The following ZNF385D variants were observed in gnomAD, a reference collection of about 807,000 sequenced individuals.
The protein encoded by ZNF385D is zinc finger protein 385D.
A neutral mutation model predicts 35.8 loss-of-function variants in ZNF385D; 15 were observed. The observed-to-expected ratio is 0.42, with a 90% CI of 0.28 to 0.64. The LOEUF is 0.64. Among genes scored for constraint, ZNF385D ranks in the 30% least tolerant of loss-of-function variants. The probability of loss-of-function intolerance (pLI) is 0.23; values close to 1 mark genes in which losing one functional copy is unlikely to be tolerated. For synonymous variants in ZNF385D, 212 were observed against 186.8 expected, an observed-to-expected ratio of 1.13 and a Z score of -1.10; for missense variants, 474 against 494.6, an observed-to-expected ratio of 0.96 and a Z score of 0.39.
In ZNF385D at chr3:21,705,555, C is replaced by T. The variant is rs568722992; in HGVS notation, c.23-40527G>A. The stretch of plus-strand genomic sequence containing the variant: ...TTTGTGTAATGTAGTCTTCTACCTA[C>T]GTGGGCATGGGAAGGCAAAGAATAT... On this transcript the variant is annotated intron_variant, in intron 1 of 7. Coordinates refer to ENST00000281523, the MANE Select transcript of ZNF385D (RefSeq NM_024697.3). Among the ~76,000 whole-genome samples, 31 of 152,254 alleles carry T rather than the reference C, an allele frequency of 2.0e-4. No individual in the cohort carries two copies. In the South Asian group the frequency reaches 5.4e-3, roughly 26 times the overall value.
chr3:21,912,589 T>C (rs1700015338), intron 3 of ZNF385D, among the ~76,000 whole-genome samples: 1 of 152,006 alleles, frequency 6.6e-6, no homozygotes, highest in East Asian at 1.9e-4. Flanking sequence ...TGCATGCAAG[T>C]CAGGAGACAG....
chr3:21,961,795 G>T (rs1160669775), intron 3 of ZNF385D, among the ~76,000 whole-genome samples: 1 of 152,108 alleles, frequency 6.6e-6, no homozygotes, highest in Non-Finnish European at 1.5e-5. Context: ...CCATCATTTA[G>T]TGGGAGAGTG....
At chr3:21,934,098 C>G (rs1701147936) in intron 3 of ZNF385D, among the ~76,000 whole-genome samples, 1 of 152,006 alleles carries the variant, frequency 6.6e-6, no homozygotes, top group Non-Finnish European at 1.5e-5. Context: ...GAGAATCGAG[C>G]ATGCTTTTCA....
At chr3:22,002,955 A>C (rs1485104568) in intron 3 of ZNF385D, among the ~76,000 whole-genome samples, 1 of 152,180 alleles carries the variant, frequency 6.6e-6, no homozygotes, top group Non-Finnish European at 1.5e-5. Context: ...ATGACTAACT[A>C]ACAGCTAATA....
intron 2 of ZNF385D, among the ~76,000 whole-genome samples, chr3:22,292,458 G>T (rs745869221): frequency 8.6e-5 from 13 of 151,948 alleles, no homozygotes; most frequent in Non-Finnish European, 1.6e-4. Context: ...TCTGTGTTTT[G>T]GTAAGTTCTT....
chr3:21,970,127 G>A (rs369755697), intron 3 of ZNF385D, among the ~76,000 whole-genome samples: 2 of 151,976 alleles, frequency 1.3e-5, no homozygotes, highest in East Asian at 3.9e-4. Flanking sequence ...GAACTATGAA[G>A]GTAAGAATAA....
intron 4 of ZNF385D, among the ~76,000 whole-genome samples, chr3:21,483,264 G>C (rs559677706): frequency 6.6e-5 from 10 of 152,258 alleles, no homozygotes; most frequent in African/African-American, 2.4e-4. Context: ...GATTGGTTTT[G>C]TTCACTCACC....
upstream of ZNF385D, chr3:21,751,294 C>T: frequency 9.1e-7 from 1 of 1,098,580 alleles, no homozygotes; most frequent in Non-Finnish European, 1.1e-6. Flanking sequence ...CGACTGCCTG[C>T]CTGGACCAAC....
chr3:21,763,655 C>T (rs563569353), intron 3 of ZNF385D, among the ~76,000 whole-genome samples: 3 of 152,074 alleles, frequency 2.0e-5, no homozygotes, highest in Non-Finnish European at 4.4e-5. Context: ...CAATAAAGTG[C>T]ATTGTTTTAG....
intron 2 of ZNF385D, among the ~76,000 whole-genome samples, chr3:21,614,185 G>C (rs377263974): frequency 6.6e-6 from 1 of 152,100 alleles, no homozygotes; most frequent in Non-Finnish European, 1.5e-5. Context: ...AAAGATCAAG[G>C]TATAAGCAGG....
rs368545001 is a variant in ZNF385D, at chr3:22,258,935, G to A, written c.107-89900C>T. ...ATGGAGAAAAAACTAGTCTCCTGAG[G>A]GCATGTATTGGACCAGGAAGGAGCT... On this transcript the variant is annotated intron_variant, in intron 2 of 5. Transcript: ENST00000494108. 5.3e-5 allele frequency among the ~76,000 whole-genome samples: 8 copies of A among 151,738 alleles called. No homozygotes were observed. In the South Asian group the frequency reaches 1.0e-3, roughly 20 times the overall value.
intron 3 of ZNF385D, among the ~76,000 whole-genome samples, chr3:21,787,693 T>C (rs1160217758): frequency 1.3e-5 from 2 of 152,054 alleles, no homozygotes; most frequent in Non-Finnish European, 2.9e-5. Flanking sequence ...TTCTTAAATA[T>C]GAACGGACAG....
intron 3 of ZNF385D, among the ~76,000 whole-genome samples, chr3:22,022,723 G>A (rs1697297869): frequency 6.6e-6 from 1 of 151,956 alleles, no homozygotes; most frequent in Non-Finnish European, 1.5e-5. Context: ...AACGAACAAG[G>A]AATAGAGACC....
At chr3:22,287,904 G>C (rs1027500086) in intron 2 of ZNF385D, among the ~76,000 whole-genome samples, 1 of 151,862 alleles carries the variant, frequency 6.6e-6, no homozygotes, top group Admixed American at 6.6e-5. Context: ...CATTCAGCTT[G>C]TAAAAATTTT....
At chr3:22,057,508 AAAG>A (rs1559336467) in intron 3 of ZNF385D, among the ~76,000 whole-genome samples, 1 of 142,062 alleles carries the variant, frequency 7.0e-6, no homozygotes, top group Admixed American at 7.7e-5. Flanking sequence ...ATTTTCTTTT[AAAG>A]TATTTTTTTT....
intron 4 of ZNF385D, among the ~76,000 whole-genome samples, chr3:21,456,306 A>G (rs1702805797): frequency 6.6e-6 from 1 of 152,216 alleles, no homozygotes; most frequent in South Asian, 2.1e-4. Context: ...TTGTGGCACT[A>G]TTCACAATAG....
intron 2 of ZNF385D, among the ~76,000 whole-genome samples, chr3:22,357,613 A>G (rs1018352894): frequency 4.0e-5 from 6 of 151,884 alleles, no homozygotes; most frequent in Non-Finnish European, 7.4e-5. Context: ...TTAAAGAAAA[A>G]AAAACTTATT....
At chr3:21,589,035 G>A (rs571754421) in intron 2 of ZNF385D, among the ~76,000 whole-genome samples, 1 of 152,168 alleles carries the variant, frequency 6.6e-6, no homozygotes, top group African/African-American at 2.4e-5. Context: ...TTGTGTTTTA[G>A]TGGGAGAGAG....
chr3:21,951,414 T>G (rs1163217091), intron 3 of ZNF385D, among the ~76,000 whole-genome samples: 1 of 151,740 alleles, frequency 6.6e-6, no homozygotes, highest in Non-Finnish European at 1.5e-5. Flanking sequence ...GAGACTTTGC[T>G]GAAGCTGCTT....
Sources: gnomAD v4.1 joint callset for allele counts (sites outside exome capture counted in the v4.1 genomes callset) on GRCh38, gnomAD v4.1.1 for gene constraint, MANE v1.5 for transcripts, NCBI Gene and HGNC (gene_info 2026-07-23, HGNC 2026-07-21) for gene names.